TAFA1: variants seen among roughly 807,000 people sequenced by gnomAD.
TAFA1 encodes the protein chemokine-like protein TAFA-1.
A neutral mutation model predicts 18.5 loss-of-function variants in TAFA1; 4 were observed. That is an observed-to-expected ratio of 0.22 (90% CI 0.11 to 0.49). TAFA1 has a LOEUF of 0.49. Among genes scored for constraint, TAFA1 ranks in the 20% least tolerant of loss-of-function variants. TAFA1 has a pLI of 0.98. For missense variants in TAFA1, 147 were observed against 169.0 expected (o/e 0.87, Z 0.72); for synonymous variants, 56 against 55.2 (o/e 1.01, Z -0.06).
At chr3:68,100,608 T>C (rs935278105) in intron 2 of TAFA1, among the ~76,000 whole-genome samples, 1 of 152,220 alleles carries the variant, frequency 6.6e-6, no homozygotes, top group Non-Finnish European at 1.5e-5. Flanking sequence ...TTCTAAGCAT[T>C]CTTTTGTCAT....
At chr3:68,096,250 T>C (rs2065085479) in intron 2 of TAFA1, among the ~76,000 whole-genome samples, 1 of 152,262 alleles carries the variant, frequency 6.6e-6, no homozygotes, top group African/African-American at 2.4e-5. Flanking sequence ...TTGCTTCACA[T>C]GACAAGATTT....
At chr3:68,384,747 C>G (rs2070054055) in intron 2 of TAFA1, among the ~76,000 whole-genome samples, 1 of 151,994 alleles carries the variant, frequency 6.6e-6, no homozygotes, top group Non-Finnish European at 1.5e-5. Flanking sequence ...AATAATCTAT[C>G]TAATATTGTC....
At chr3:68,345,478 C>T (rs568498559) in intron 2 of TAFA1, among the ~76,000 whole-genome samples, 2 of 152,200 alleles carry the variant, frequency 1.3e-5, no homozygotes, top group South Asian at 2.1e-4. Flanking sequence ...AATCCTCTGA[C>T]TCGAGGAAAA....
intron 2 of TAFA1, among the ~76,000 whole-genome samples, chr3:68,271,807 C>T (rs1188537453): frequency 6.6e-6 from 1 of 150,452 alleles, no homozygotes; most frequent in Admixed American, 6.6e-5. Context: ...TCTTTTGCCT[C>T]TTTGTCTATC....
chr3:68,438,367 A>T (rs1275769786), intron 3 of TAFA1, among the ~76,000 whole-genome samples: 1 of 151,988 alleles, frequency 6.6e-6, no homozygotes, highest in Non-Finnish European at 1.5e-5. Context: ...AGAAAAAAAG[A>T]CTCCAGAATA....
At chr3:68,182,695 T>C (rs1393760246) in intron 2 of TAFA1, among the ~76,000 whole-genome samples, 1 of 152,180 alleles carries the variant, frequency 6.6e-6, no homozygotes, top group African/African-American at 2.4e-5. Context: ...AGTTTTAACA[T>C]AATGTCTTAC....
At chr3:68,002,059 C>T (rs944866389), upstream of TAFA1, among the ~76,000 whole-genome samples, 4 of 152,178 alleles carry the variant, frequency 2.6e-5, no homozygotes, top group African/African-American at 7.2e-5. Flanking sequence ...AAGTGCAATC[C>T]TACTATGGTC....
At chr3:68,240,984 G>A (rs1475433167) in intron 2 of TAFA1, among the ~76,000 whole-genome samples, 2 of 152,116 alleles carry the variant, frequency 1.3e-5, no homozygotes, top group Non-Finnish European at 2.9e-5. Flanking sequence ...GATAAAATCA[G>A]CTCTAGTGTG....
intron 2 of TAFA1, among the ~76,000 whole-genome samples, chr3:68,342,703 CT>C (rs1361197235): frequency 1.3e-5 from 2 of 152,150 alleles, no homozygotes; most frequent in African/African-American, 4.8e-5. Flanking sequence ...AAAGCCTCAA[CT>C]TTATATGATC....
At chr3:68,440,866 C>T (rs947562936) in intron 3 of TAFA1, among the ~76,000 whole-genome samples, 2 of 152,160 alleles carry the variant, frequency 1.3e-5, no homozygotes, top group African/African-American at 4.8e-5. Flanking sequence ...AGCCTGTTGA[C>T]TTAAAGGTAG....
intron 3 of TAFA1, among the ~76,000 whole-genome samples, chr3:68,427,590 A>T (rs962024062): frequency 4.0e-5 from 6 of 151,856 alleles, no homozygotes; most frequent in African/African-American, 4.8e-5. Context: ...GTAATATTTT[A>T]AAAAATTAAT....
intron 2 of TAFA1, among the ~76,000 whole-genome samples, chr3:68,289,122 C>T (rs9828710): frequency 1.3e-5 from 2 of 152,086 alleles, no homozygotes; most frequent in African/African-American, 2.4e-5. Flanking sequence ...TTTTAAGGTG[C>T]CTGTTCATGT....
intron 2 of TAFA1, among the ~76,000 whole-genome samples, chr3:68,136,215 G>A (rs1028760695): frequency 2.6e-5 from 4 of 152,188 alleles, no homozygotes; most frequent in Admixed American, 1.3e-4. Flanking sequence ...GCAGAGGTCA[G>A]GAGTCAGAAT....
intron 2 of TAFA1, among the ~76,000 whole-genome samples, chr3:68,323,131 G>A (rs1472112274): frequency 6.6e-6 from 1 of 152,114 alleles, no homozygotes; most frequent in Non-Finnish European, 1.5e-5. Context: ...ATGTGATTTT[G>A]CCATATATCA....
At chr3:68,332,581 A>C (rs1185871045) in intron 2 of TAFA1, among the ~76,000 whole-genome samples, 1 of 152,192 alleles carries the variant, frequency 6.6e-6, no homozygotes, top group East Asian at 1.9e-4. Context: ...AAATTTTTTA[A>C]ATAAAAATTG....
At chr3:68,135,506 G>T (rs1283288470) in intron 2 of TAFA1, among the ~76,000 whole-genome samples, 2 of 152,192 alleles carry the variant, frequency 1.3e-5, no homozygotes, top group Non-Finnish European at 2.9e-5. Flanking sequence ...CCCCCAGGTT[G>T]GCTCTAGCAC....
At chr3:68,157,270 T>C (rs2065877049) in intron 2 of TAFA1, among the ~76,000 whole-genome samples, 1 of 152,220 alleles carries the variant, frequency 6.6e-6, no homozygotes. Flanking sequence ...CAATGTTAAG[T>C]GGCAGGTAGG....
chr3:68,084,757 C>T (rs2064950374), intron 2 of TAFA1, among the ~76,000 whole-genome samples: 2 of 150,806 alleles, frequency 1.3e-5, no homozygotes, highest in African/African-American at 2.4e-5. Context: ...GAGATAGCGC[C>T]ATTGCACTCC....
intron 2 of TAFA1, among the ~76,000 whole-genome samples, chr3:68,343,354 T>C (rs1289787750): frequency 1.3e-5 from 2 of 152,168 alleles, no homozygotes; most frequent in Non-Finnish European, 2.9e-5. Context: ...AGTTTACATT[T>C]TTAAAAAGAG....
Sources: allele counts gnomAD v4.1 joint callset (sites outside exome capture counted in the v4.1 genomes callset), GRCh38; gene constraint gnomAD v4.1.1; transcripts MANE v1.5; gene names NCBI Gene and HGNC (gene_info 2026-07-23, HGNC 2026-07-21).